Variants in ZFYVE1 observed in about 807,000 individuals in gnomAD.
ZFYVE1 encodes the protein zinc finger FYVE-type containing 1, also known as zinc finger FYVE domain-containing protein 1.
ZFYVE1 carries 30 observed loss-of-function variants against 74.4 expected under a neutral mutation model. The ratio of observed to expected loss-of-function variants is 0.40; its 90% CI spans 0.30 to 0.55. The LOEUF (loss-of-function observed/expected upper bound fraction) is 0.55. ZFYVE1 is among the 20% of genes least tolerant of loss of function. The probability of loss-of-function intolerance (pLI) is 0.42; values close to 1 mark genes in which losing one functional copy is unlikely to be tolerated. For synonymous variants in ZFYVE1, 335 were observed against 385.1 expected, an observed-to-expected ratio of 0.87 and a Z score of 1.52; for missense variants, 703 against 1,011.6, an observed-to-expected ratio of 0.69 and a Z score of 4.14.
At chr14:73,007,926 T>C (rs56909937) in intron 2 of ZFYVE1, among the ~76,000 whole-genome samples, 19,740 of 152,244 alleles carry the variant, frequency 0.13, 1,586 homozygotes, top group East Asian at 0.2. Context: ...CTCAATCAAA[T>C]GTTTTCTGAA....
At chr14:72,993,442 C>A (rs1411997817) in intron 3 of ZFYVE1, 85 bp from the exon 4 acceptor site, 37 of 1,276,166 alleles carry the variant, frequency 2.9e-5, no homozygotes, top group Non-Finnish European at 3.7e-5. Context: ...GTGGCCCACA[C>A]CTGTAACCCT....
At chr14:72,999,842 G>T (rs577521178) in intron 2 of ZFYVE1, among the ~76,000 whole-genome samples, 2 of 152,106 alleles carry the variant, frequency 1.3e-5, no homozygotes, top group African/African-American at 2.4e-5. Flanking sequence ...GGCAGATCGC[G>T]TGAGGCCAGG....
Position 72,970,835 on chromosome 14 carries a change from C to T in ZFYVE1, c.*47G>A. 6.3e-7 allele frequency: 1 copy of T among 1,595,994 alleles called. No homozygotes were observed. Among genetic ancestry groups the T allele is most frequent in the African/African-American group, 1.3e-5 (1 of 74,656 alleles). On this transcript the variant is annotated 3_prime_UTR_variant, in exon 12 of 12. Transcript: ENST00000556143. ...GCCTACCTCGCAAGACTGTTTCTAA[C>T]CCTGAGAACCTAAGGAATTGTGAAG...
Position 72,990,689 on chromosome 14 carries a change from CTTTTTTTTTTT to C in ZFYVE1, c.1203+2443_1203+2453del, listed in dbSNP as rs369030778. The stretch of plus-strand genomic sequence containing the variant: ...AAGGGCGTGAGCCACCGCACCTGGC[CTTTTTTTTTTT>C]TTTTTTTTTTTTTTTGAGAGGGAGT... On this transcript the variant is annotated intron_variant, in intron 4 of 11. Coordinates refer to ENST00000556143, the MANE Select transcript of ZFYVE1 (RefSeq NM_021260.4). 5.2e-3 allele frequency among the ~76,000 whole-genome samples: 344 copies of C among 66,700 alleles called. 6 individuals carry two copies. The highest frequency in any genetic ancestry group is 0.017 in the African/African-American group (307 of 18,542). 43.8% of individuals were successfully genotyped at this position (66,700 alleles called of 152,430 possible).
At chr14:72,984,390 G>T (rs529306855) in intron 4 of ZFYVE1, among the ~76,000 whole-genome samples, 1 of 152,064 alleles carries the variant, frequency 6.6e-6, no homozygotes, top group South Asian at 2.1e-4. Flanking sequence ...TTAGCTGGGC[G>T]TGGTGGCGGG....
chr14:72,976,127 C>G (rs116059717), intron 8 of ZFYVE1, among the ~76,000 whole-genome samples: 3,135 of 152,220 alleles, frequency 0.021, 93 homozygotes, highest in African/African-American at 0.069. Flanking sequence ...GACAATAACT[C>G]TTTGTCATTT....
chr14:73,015,626 C>A (rs532474233), intron 2 of ZFYVE1, among the ~76,000 whole-genome samples: 1 of 152,170 alleles, frequency 6.6e-6, no homozygotes, highest in Admixed American at 6.5e-5. Flanking sequence ...TCAAGTGATC[C>A]GCCCGCCTCA....
At chr14:73,008,753 A>C (rs981636496) in intron 2 of ZFYVE1, among the ~76,000 whole-genome samples, 1 of 152,178 alleles carries the variant, frequency 6.6e-6, no homozygotes, top group African/African-American at 2.4e-5. Context: ...CCAGCTGTGA[A>C]AACAGATGTA....
At chr14:73,022,399 C>T (rs1182871434) in intron 2 of ZFYVE1, among the ~76,000 whole-genome samples, 1 of 152,096 alleles carries the variant, frequency 6.6e-6, no homozygotes, top group East Asian at 1.9e-4. Context: ...ATAGGTACTC[C>T]CCTCCAAACT....
chr14:73,014,317 G>A (rs1463432064), intron 2 of ZFYVE1, among the ~76,000 whole-genome samples: 5 of 152,190 alleles, frequency 3.3e-5, no homozygotes, highest in African/African-American at 1.2e-4. Flanking sequence ...GGCAGAAACT[G>A]AAGGCACATA....
At chr14:73,006,087 T>A (rs377192935) in intron 2 of ZFYVE1, among the ~76,000 whole-genome samples, 154 of 151,864 alleles carry the variant, frequency 1.0e-3, no homozygotes, top group African/African-American at 1.4e-3. Context: ...GCCCGGAGAA[T>A]TTTTTGTATT....
intron 4 of ZFYVE1, among the ~76,000 whole-genome samples, chr14:72,984,633 C>T (rs1484589226): frequency 6.6e-6 from 1 of 152,024 alleles, no homozygotes; most frequent in South Asian, 2.1e-4. Context: ...AATTATAAGT[C>T]GGCCTATACA....
At chr14:72,983,161 T>C (rs1057166167) in intron 4 of ZFYVE1, among the ~76,000 whole-genome samples, 1 of 152,028 alleles carries the variant, frequency 6.6e-6, no homozygotes, top group Non-Finnish European at 1.5e-5. Flanking sequence ...TTAGAACTTC[T>C]TATGCAAGGT....
At chr14:73,007,632 C>G (rs936136318) in intron 2 of ZFYVE1, among the ~76,000 whole-genome samples, 1 of 152,142 alleles carries the variant, frequency 6.6e-6, no homozygotes, top group Non-Finnish European at 1.5e-5. Context: ...TCCTTGGCCT[C>G]CCAAAGCACT....
chr14:72,987,234 C>G (rs1223477837), intron 4 of ZFYVE1, among the ~76,000 whole-genome samples: 1 of 152,112 alleles, frequency 6.6e-6, no homozygotes, highest in Non-Finnish European at 1.5e-5. Context: ...AGAATTGGAA[C>G]GTCAAGAGTT....
In ZFYVE1 at chr14:72,975,699, T is replaced by C. The variant is rs147680028; in HGVS notation, c.1658A>G (p.Asn553Ser). The stretch of plus-strand genomic sequence containing the variant: ...CAACAGGCGCTGGGCAGCATTGTTG[T>C]TGTCCTTCAGAAACCCATCAGTCTG... ...WPGTDGFLKD[N>S]NNAAQRLLDG... Residue 553 changes from asparagine to serine, a missense_variant, in exon 9 of 12, where the codon AAC (asparagine) becomes AGC (serine). This residue lies in a region of ZFYVE1 where 492 missense variants were observed against 790.0 expected (regional missense o/e 0.62). Transcript: ENST00000556143. The surrounding 1 kb of genome is among the most constrained non-coding windows in gnomAD (Gnocchi z 4.1). The C allele has an allele frequency of 5.0e-6, 8 of 1,613,952 alleles. No individual in the cohort carries two copies. Among genetic ancestry groups the C allele is most frequent in the South Asian group, 2.2e-5 (2 of 91,064 alleles).
In ZFYVE1 at chr14:72,974,787, A is replaced by G. The variant is rs1194826458; in HGVS notation, c.1979T>C (p.Val660Ala). Residue 660 changes from valine to alanine, a missense_variant, in exon 10 of 12, where the codon GTC becomes GCC. By Grantham distance (64) the Val-to-Ala change is moderately conservative. Transcript: ENST00000556143. ...CCCAGGTCCCACGTTACCTAACTGG[A>G]CGTTCCTGGCTTCGTAGCAGTTGTC... ...VCDNCYEARN[V>A]QLAVTEAQVD... The G allele has an allele frequency of 6.3e-7, 1 of 1,597,976 alleles. No individual in the cohort carries two copies. Among genetic ancestry groups the G allele is most frequent in the East Asian group, 2.3e-5 (1 of 44,404 alleles).
intron 4 of ZFYVE1, among the ~76,000 whole-genome samples, chr14:72,988,297 C>A (rs367828901): frequency 6.6e-6 from 1 of 151,398 alleles, no homozygotes; most frequent in Non-Finnish European, 1.5e-5. Flanking sequence ...GATTCAGCCT[C>A]CCGGGTAGCT....
intron 6 of ZFYVE1, 117 bp downstream of exon 6, chr14:72,978,744 C>T: frequency 5.0e-6 from 4 of 805,616 alleles, no homozygotes; most frequent in Non-Finnish European, 8.5e-6. Flanking sequence ...CAGAAATATT[C>T]AATTTGAATA....
Sources: gnomAD v4.1 joint callset for allele counts (sites outside exome capture counted in the v4.1 genomes callset) on GRCh38, gnomAD v4.1.1 for gene constraint, gnomAD v4.1.1 regional missense constraint, Gnocchi (gnomAD v3.1) non-coding constraint, MANE v1.5 for transcripts, NCBI Gene and HGNC (gene_info 2026-07-23, HGNC 2026-07-21) for gene names.